The following ITGAD variants were observed in gnomAD, a reference collection of about 807,000 sequenced individuals.
ITGAD encodes the protein integrin subunit alpha D.
A neutral mutation model predicts 139.0 loss-of-function variants in ITGAD; 105 were observed. The observed-to-expected ratio is 0.76, with a 90% CI of 0.65 to 0.89. ITGAD has a LOEUF of 0.89. ITGAD is among the 40% of genes least tolerant of loss of function. The pLI is 0.00. For missense variants in ITGAD, 1,384 were observed against 1,487.3 expected (o/e 0.93, Z 1.14); for synonymous variants, 569 against 598.3 (o/e 0.95, Z 0.71).
intron 10 of ITGAD, 23 bp from the exon 11 acceptor site, chr16:31,410,372 G>A (rs760576015): frequency 1.2e-6 from 2 of 1,613,674 alleles, no homozygotes; most frequent in African/African-American, 2.7e-5. Context: ...TCTCTGCCCA[G>A]CCCTGGAATT....
In ITGAD at chr16:31,419,812, C is replaced by CAAA. The variant is rs1202333629; in HGVS notation, c.2780+1265_2780+1267dup. Among the ~76,000 whole-genome samples the CAAA allele has an allele frequency of 8.7e-3, 507 of 58,250 alleles. 16 individuals carry two copies. The highest frequency in any genetic ancestry group is 0.026 in the African/African-American group (458 of 17,334). 38.2% of individuals were successfully genotyped at this position (58,250 alleles called of 152,430 possible). On this transcript the variant is annotated intron_variant, in intron 23 of 29. Transcript: ENST00000389202. Reference sequence around the variant, plus strand: ...GGGGTGACAGATTAAGGCTCTGTCTCAAAAAAAAAAAAAAAAAAAGAAAAA... The same window carrying CAAA: ...GGGGTGACAGATTAAGGCTCTGTCTCAAAAAAAAAAAAAAAAAAAAAAGAAAAA...
chr16:31,420,674 A>C (rs2081990207), intron 23 of ITGAD, among the ~76,000 whole-genome samples: 1 of 152,196 alleles, frequency 6.6e-6, no homozygotes, highest in African/African-American at 2.4e-5. Flanking sequence ...TCCCAGGTTC[A>C]AGTGATTCTC....
At chr16:31,410,190 G>A (rs2081649042) in intron 10 of ITGAD, among the ~76,000 whole-genome samples, 1 of 152,154 alleles carries the variant, frequency 6.6e-6, no homozygotes, top group Non-Finnish European at 1.5e-5. Context: ...CACAGCGGGG[G>A]CAGACAGGGT....
intron 20 of ITGAD, 117 bp downstream of exon 20, chr16:31,416,763 T>A (rs752751835): frequency 2.4e-3 from 1,607 of 673,404 alleles, no homozygotes; most frequent in South Asian, 5.4e-3. Flanking sequence ...TCTCTCTCTC[T>A]CACACACACA....
chr16:31,402,213 G>A lies in ITGAD; in HGVS notation c.526G>A (p.Val176Ile), dbSNP rs1238160830. 1 of 1,526,596 alleles carries A rather than the reference G, an allele frequency of 6.6e-7. No homozygotes were observed. The highest frequency in any genetic ancestry group is 8.9e-7 in the Non-Finnish European group (1 of 1,123,856). 94.6% of individuals were successfully genotyped at this position (1,526,596 alleles called of 1,614,324 possible). ...CCAGATGAAGGGCTTTGTCCAAGCT[G>A]TCATGGGCCAGTTTGAGGGCACTGA... is the stretch of plus-strand genomic sequence containing the variant. ...FNQMKGFVQA[V>I]MGQFEGTDTL... The change falls in exon 6 of 30, where the codon GTC becomes ATC. Residue 176 changes from valine to isoleucine, a missense_variant. Val to Ile is a conservative substitution (Grantham distance 29). Coordinates refer to ENST00000389202, the MANE Select transcript of ITGAD (RefSeq NM_005353.3).
Position 31,413,160 on chromosome 16 carries a change from G to A in ITGAD, c.1910G>A (p.Arg637Gln), listed in dbSNP as rs372963248. 7.2e-5 allele frequency: 116 copies of A among 1,614,178 alleles called. No individual in the cohort carries two copies. The highest frequency in any genetic ancestry group is 5.2e-4 in the African/African-American group (39 of 75,038). ...SPVEVAKAVYRCWEEKPSALE... is the reference protein window; with the variant it reads ...SPVEVAKAVYQCWEEKPSALE... ...GTGGAGGTGGCCAAGGCTGTGTACC[G>A]GTGCTGGGAAGAGAAGCCCAGTGCC... Residue 637 changes from arginine (R) to glutamine (Q), a missense_variant, in exon 16 of 30, where the codon CGG (arginine) becomes CAG (glutamine). Arg to Gln is a conservative substitution (Grantham distance 43, BLOSUM62 1). Coordinates refer to ENST00000389202, the MANE Select transcript of ITGAD (RefSeq NM_005353.3).
At position 31,423,384 on chromosome 16, in the gene ITGAD, C is replaced by G; in HGVS notation, c.2892C>G (p.Ile964Met). ...ACCTCAGCCAGCGAGATCTGGCCATCAGCATTAACTTCTGGGTTCCTGTCC... is the reference window on the plus strand; with the variant it reads ...ACCTCAGCCAGCGAGATCTGGCCATGAGCATTAACTTCTGGGTTCCTGTCC... ...VNNLSQRDLA[I>M]SINFWVPVLL... The change falls in exon 25 of 30, where the codon ATC becomes ATG. Residue 964 changes from isoleucine to methionine, a missense_variant. Transcript: ENST00000389202. 6.2e-7 allele frequency: 1 copy of G among 1,614,126 alleles called. No individual in the cohort carries two copies. Among genetic ancestry groups the G allele is most frequent in the African/African-American group, 1.3e-5 (1 of 75,026 alleles).
At chr16:31,418,409 C>T (rs774055160) in intron 22 of ITGAD, 29 bp downstream of exon 22, 3 of 1,608,224 alleles carry the variant, frequency 1.9e-6, no homozygotes, top group Non-Finnish European at 8.5e-7. Flanking sequence ...ATCCCCCACC[C>T]TCCATCGCAT....
intron 23 of ITGAD, among the ~76,000 whole-genome samples, chr16:31,421,339 C>T (rs993694291): frequency 6.0e-5 from 9 of 150,638 alleles, no homozygotes; most frequent in South Asian, 4.2e-4. Context: ...CACGGTGGCT[C>T]GTGCCTGTAA....
chr16:31,425,792 C>G (rs1303779549), intron 29 of ITGAD, among the ~76,000 whole-genome samples: 1 of 151,770 alleles, frequency 6.6e-6, no homozygotes, highest in Admixed American at 6.6e-5. Context: ...AAGCGATTCT[C>G]TTGCCTCAGC....
intron 28 of ITGAD, 102 bp downstream of exon 28, chr16:31,424,305 G>A (rs919673744): frequency 7.0e-7 from 1 of 1,435,094 alleles, no homozygotes; most frequent in Non-Finnish European, 9.8e-7. Flanking sequence ...GGAGGAGGGT[G>A]AAAGTCTCTG....
rs914455042 is a variant in ITGAD at position 31,426,233 on chromosome 16, G to C, written c.*105G>C. 3 of 735,200 alleles carry C rather than the reference G, an allele frequency of 4.1e-6. No individual in the cohort carries two copies. In the Admixed American group the frequency reaches 6.3e-5, roughly 16 times the overall value. The allele number at this position is 735,200 out of a possible 1,614,324, so 45.5% of individuals were successfully genotyped here. A position where few individuals can be genotyped will look rare whatever the true frequency, so the allele number is the denominator to read the frequency against. On this transcript the variant is annotated 3_prime_UTR_variant, in exon 30 of 30. Transcript: ENST00000389202. ...TCTGCATAGATCTGCACTGGCCTAAGCAACCTACCAGGTGCTAAGCACCTT... is the reference window on the plus strand; with the variant it reads ...TCTGCATAGATCTGCACTGGCCTAACCAACCTACCAGGTGCTAAGCACCTT...
chr16:31,418,404 C>G, intron 22 of ITGAD, 24 bp downstream of exon 22: 5 of 1,610,294 alleles, frequency 3.1e-6, no homozygotes, highest in African/African-American at 1.3e-5. Context: ...AGGGTATCCC[C>G]CACCCTCCAT....
Position 31,424,292 on chromosome 16 carries a change from G to T in ITGAD, c.3261+89G>T, listed in dbSNP as rs936995568. On this transcript the variant is annotated intron_variant, in intron 28 of 29. Transcript: ENST00000389202. Reference sequence around the variant, plus strand: ...GCTGGGTGGGGGGTTTGCAAGCCTTGCGGGAGGAGGGTGAAAGTCTCTGGG... The same window carrying T: ...GCTGGGTGGGGGGTTTGCAAGCCTTTCGGGAGGAGGGTGAAAGTCTCTGGG... 7 of 1,508,412 alleles carry T rather than the reference G, an allele frequency of 4.6e-6. No homozygotes were observed. In the African/African-American group the frequency reaches 5.5e-5, roughly 12 times the overall value. 93.4% of individuals were successfully genotyped at this position (1,508,412 alleles called of 1,614,324 possible).
At chr16:31,420,126 T>C (rs2081979645) in intron 23 of ITGAD, among the ~76,000 whole-genome samples, 1 of 152,146 alleles carries the variant, frequency 6.6e-6, no homozygotes, top group African/African-American at 2.4e-5. Flanking sequence ...ATTGGGGAGC[T>C]TGTGCCCAAC....
chr16:31,424,410 A>G, intron 28 of ITGAD, 57 bp from the exon 29 acceptor site: 10 of 1,454,934 alleles, frequency 6.9e-6, no homozygotes, highest in Non-Finnish European at 7.7e-6. Flanking sequence ...AAGGTTGCGG[A>G]ACCTGGGAGG....
chr16:31,422,020 T>TC (rs1433645226), intron 23 of ITGAD, among the ~76,000 whole-genome samples: 1 of 152,018 alleles, frequency 6.6e-6, no homozygotes, highest in Non-Finnish European at 1.5e-5. Flanking sequence ...AGCCTCGACC[T>TC]CCCAGGCTCA....
intron 20 of ITGAD, 84 bp from the exon 21 acceptor site, chr16:31,417,991 A>C: frequency 1.0e-6 from 1 of 998,898 alleles, no homozygotes; most frequent in Non-Finnish European, 1.6e-6. Context: ...CATTTTCCCT[A>C]GTGCTCTGCA....
At chr16:31,406,132 C>T (rs144138320) in intron 7 of ITGAD, among the ~76,000 whole-genome samples, 2,057 of 151,420 alleles carry the variant, frequency 0.014, 56 homozygotes, top group African/African-American at 0.047. Flanking sequence ...TGGAGTGCAA[C>T]GGCATGATCT....
Sources: allele counts gnomAD v4.1 joint callset (sites outside exome capture counted in the v4.1 genomes callset), GRCh38; gene constraint gnomAD v4.1.1; transcripts MANE v1.5; gene names NCBI Gene and HGNC (gene_info 2026-07-23, HGNC 2026-07-21).